FANCA: variants seen among roughly 807,000 people sequenced by gnomAD.
FANCA encodes the protein Fanconi anemia group A protein.
A neutral mutation model predicts 194.3 loss-of-function variants in FANCA; 236 were observed. That is an observed-to-expected ratio of 1.21 (90% CI 1.09 to 1.35). The LOEUF (loss-of-function observed/expected upper bound fraction) is 1.35, where lower values mean the gene tolerates loss of function less well. Among genes scored for constraint, FANCA ranks in the 40% most tolerant of loss-of-function variants. The pLI is 0.00. For missense variants in FANCA, 2,628 were observed against 1,813.9 expected, an observed-to-expected ratio of 1.45 and a Z score of -8.15; for synonymous variants, 1,014 against 715.8, an observed-to-expected ratio of 1.42 and a Z score of -6.65.
intron 39 of FANCA, 198 bp from the exon 40 acceptor site, chr16:89,739,751 G>A (rs56272457): frequency 6.7e-7 from 1 of 1,486,964 alleles, no homozygotes; most frequent in African/African-American, 1.4e-5. Flanking sequence ...TCTTGCAGGA[G>A]GGTGGGTGTG....
At chr16:89,743,572 C>T (rs1360331257) in intron 36 of FANCA, among the ~76,000 whole-genome samples, 1 of 152,148 alleles carries the variant, frequency 6.6e-6, no homozygotes, top group African/African-American at 2.4e-5. Context: ...GCCTGTAATC[C>T]CAGCACTTTG....
intron 8 of FANCA, among the ~76,000 whole-genome samples, chr16:89,802,065 A>G (rs1177330001): frequency 6.6e-6 from 1 of 152,194 alleles, no homozygotes; most frequent in African/African-American, 2.4e-5. Flanking sequence ...TGTGCCCAAC[A>G]AGAGATGACC....
intron 6 of FANCA, among the ~76,000 whole-genome samples, chr16:89,806,487 G>C (rs2040652748): frequency 6.6e-6 from 1 of 151,590 alleles, no homozygotes; most frequent in African/African-American, 2.4e-5. Context: ...CTAGGCAGAG[G>C]ACCCTGAGGC....
intron 20 of FANCA, among the ~76,000 whole-genome samples, chr16:89,776,025 A>C (rs542727839): frequency 6.6e-6 from 1 of 151,794 alleles, no homozygotes; most frequent in Non-Finnish European, 1.5e-5. Flanking sequence ...TATTAATCAT[A>C]TATTAATATC....
At chr16:89,791,577 A>T (rs1567635802) in intron 13 of FANCA, 41 bp from the exon 14 acceptor site, 1 of 1,612,348 alleles carries the variant, frequency 6.2e-7, no homozygotes, top group Non-Finnish European at 8.5e-7. Flanking sequence ...AGGCAAGGGC[A>T]GCCAGCAGGA....
chr16:89,813,331 C>G (rs930690112), intron 3 of FANCA, among the ~76,000 whole-genome samples: 2 of 151,558 alleles, frequency 1.3e-5, no homozygotes, highest in Non-Finnish European at 2.9e-5. Flanking sequence ...TCACTTGAGG[C>G]CAGGAGGTCA....
intron 14 of FANCA, 68 bp from the exon 15 acceptor site, chr16:89,785,032 G>T: frequency 8.8e-7 from 1 of 1,130,916 alleles, no homozygotes; most frequent in East Asian, 2.3e-5. Flanking sequence ...GCAGTGTCCT[G>T]TGTGGAGAGA....
intron 10 of FANCA, among the ~76,000 whole-genome samples, chr16:89,796,881 AG>A (rs1226970550): frequency 2.6e-5 from 4 of 152,118 alleles, no homozygotes; most frequent in Non-Finnish European, 5.9e-5. Context: ...ATATTAGGCC[AG>A]GCGCATTGGC....
chr16:89,794,158 A>G (rs1245509078), intron 11 of FANCA, among the ~76,000 whole-genome samples: 1 of 152,146 alleles, frequency 6.6e-6, no homozygotes, highest in Non-Finnish European at 1.5e-5. Flanking sequence ...TATATCATCA[A>G]TTCTGTTTCT....
chr16:89,745,601 G>C (rs375933930), intron 35 of FANCA, among the ~76,000 whole-genome samples: 6 of 61,920 alleles, frequency 9.7e-5, no homozygotes, highest in Admixed American at 1.8e-4. Context: ...GGACCACACT[G>C]CCCTGAGCTG....
Position 89,810,977 on chromosome 16 carries a change from C to G in FANCA, c.378G>C (p.Thr126=), listed in dbSNP as rs544680245. 6.2e-7 allele frequency: 1 copy of G among 1,613,946 alleles called. No homozygotes were observed. The highest frequency in any genetic ancestry group is 1.7e-5 in the Admixed American group (1 of 59,982). Residue 126 remains threonine (T), a synonymous_variant, in exon 4 of 43, where the codon ACG becomes ACC. Transcript: ENST00000389301. ...CAGGGTGACTGGTCTCCGCTGGAGC[C>G]GTGCAGATCTGTCCCACGCTAGAGG... is the stretch of plus-strand genomic sequence containing the variant. ...MVASSVGQIC[T]APAETSHPVL... is the part of the protein sequence containing the mutation.
rs528291391 is a variant in FANCA, at chr16:89,807,378, C to T, written c.596+916G>A. 4.6e-5 allele frequency among the ~76,000 whole-genome samples: 7 copies of T among 151,258 alleles called. No homozygotes were observed. In the East Asian group the frequency reaches 6.0e-4, roughly 13 times the overall value. On this transcript the variant is annotated intron_variant, in intron 6 of 42. Coordinates refer to ENST00000389301, the MANE Select transcript of FANCA (RefSeq NM_000135.4). ...AGGCAGGGGCAGAATTGCTTGAATC[C>T]GGGAAGCGGAGGTTGCAGCGAGCCC... is the stretch of plus-strand genomic sequence containing the variant.
At chr16:89,772,662 A>T (rs888163276) in intron 22 of FANCA, among the ~76,000 whole-genome samples, 1 of 152,008 alleles carries the variant, frequency 6.6e-6, no homozygotes, top group African/African-American at 2.4e-5. Context: ...ACTAAAAAAT[A>T]CAAAAAATTA....
chr16:89,792,619 C>A, intron 11 of FANCA, 72 bp from the exon 12 acceptor site: 2 of 1,368,596 alleles, frequency 1.5e-6, no homozygotes, highest in Admixed American at 1.8e-5. Context: ...TAAGGACCAG[C>A]CCCACAGGGT....
At chr16:89,787,563 T>C (rs919699369) in intron 14 of FANCA, among the ~76,000 whole-genome samples, 1 of 151,920 alleles carries the variant, frequency 6.6e-6, no homozygotes, top group Admixed American at 6.6e-5. Context: ...TGAGACACTA[T>C]GTCCACAAAA....
rs150290184 is a variant in FANCA, at chr16:89,792,506, G to C, written c.1048C>G (p.Arg350Gly). 2 of 1,613,456 alleles carry C rather than the reference G, an allele frequency of 1.2e-6. No homozygotes were observed. The highest frequency in any genetic ancestry group is 1.7e-6 in the Non-Finnish European group (2 of 1,179,998). Reference protein sequence around the residue: ...VQMQREWSFARTHPLLTSLYR... With the variant: ...VQMQREWSFAGTHPLLTSLYR... ...AGTGAGGTGAGCAGAGGGTGTGTCCGCGCAAAGCTCCACTCTCTCTGCATC... is the reference window on the plus strand; with the variant it reads ...AGTGAGGTGAGCAGAGGGTGTGTCCCCGCAAAGCTCCACTCTCTCTGCATC... Residue 350 changes from arginine to glycine, a missense_variant, in exon 12 of 43, where the codon CGG becomes GGG. Physicochemically the swap from Arg to Gly is moderately radical, Grantham distance 125. Transcript: ENST00000389301.
Position 89,748,668 on chromosome 16 carries a change from G to GA in FANCA, c.3338_3339insT (p.Ser1114LeufsTer2). 6.2e-7 allele frequency: 1 copy of GA among 1,613,790 alleles called. No individual in the cohort carries two copies. Among genetic ancestry groups the GA allele is most frequent in the Non-Finnish European group, 8.5e-7 (1 of 1,179,736 alleles). ...CACACGGGGCACCTACCATCTCAGA[G>GA]TTGACCAAGTGGAAGAACTGCTCGC... On this transcript the variant is annotated frameshift_variant, in exon 33 of 43. Coordinates refer to ENST00000389301, the MANE Select transcript of FANCA (RefSeq NM_000135.4). LOFTEE classifies it high-confidence loss of function.
At chr16:89,786,932 A>T (rs1433513154) in intron 14 of FANCA, among the ~76,000 whole-genome samples, 1 of 152,142 alleles carries the variant, frequency 6.6e-6, no homozygotes, top group Non-Finnish European at 1.5e-5. Context: ...TCCACAACAC[A>T]ACTGCTCCTG....
At chr16:89,780,715 G>A (rs2039671460) in intron 17 of FANCA, among the ~76,000 whole-genome samples, 1 of 151,238 alleles carries the variant, frequency 6.6e-6, no homozygotes, top group Non-Finnish European at 1.5e-5. Flanking sequence ...GATCACTTGA[G>A]CCCAGGAGTT....
Sources: allele counts gnomAD v4.1 joint callset (sites outside exome capture counted in the v4.1 genomes callset), GRCh38; gene constraint gnomAD v4.1.1; transcripts MANE v1.5; gene names NCBI Gene and HGNC (gene_info 2026-07-23, HGNC 2026-07-21).